The following LSAMP variants were observed in gnomAD, a reference collection of about 807,000 sequenced individuals.
LSAMP encodes limbic system associated membrane protein.
Under a neutral mutation model 38.6 loss-of-function variants are expected in LSAMP, and 7 were observed. The ratio of observed to expected loss-of-function variants is 0.18; its 90% CI spans 0.10 to 0.34. The LOEUF (loss-of-function observed/expected upper bound fraction) is 0.34. Among genes scored for constraint, LSAMP ranks in the 10% least tolerant of loss-of-function variants. LSAMP has a pLI of 1.00. For missense variants in LSAMP, 313 were observed against 420.0 expected (o/e 0.75, Z 2.23); for synonymous variants, 154 against 166.8 (o/e 0.92, Z 0.59).
At chr3:115,900,122 C>T (rs1034430284) in intron 3 of LSAMP, among the ~76,000 whole-genome samples, 2 of 152,140 alleles carry the variant, frequency 1.3e-5, no homozygotes, top group African/African-American at 2.4e-5. Flanking sequence ...CAGAGAATTT[C>T]AGTGTGGGTT....
At chr3:115,890,353 T>A (rs1936565027) in intron 3 of LSAMP, among the ~76,000 whole-genome samples, 1 of 151,942 alleles carries the variant, frequency 6.6e-6, no homozygotes, top group Admixed American at 6.6e-5. Context: ...ATAATAGTCA[T>A]GTAACTCTAC....
intron 3 of LSAMP, among the ~76,000 whole-genome samples, chr3:115,977,750 CTT>C (rs1939233162): frequency 7.4e-6 from 1 of 134,708 alleles, no homozygotes; most frequent in Admixed American, 7.4e-5. Flanking sequence ...AAAAAAAAAT[CTT>C]TGTCTTTTCC....
intron 1 of LSAMP, among the ~76,000 whole-genome samples, chr3:116,135,911 T>C (rs982142480): frequency 1.3e-5 from 2 of 152,208 alleles, no homozygotes; most frequent in Admixed American, 6.6e-5. Context: ...ATGAGGCTAA[T>C]AAAGTGCCTT....
At chr3:115,946,246 C>T (rs999783857) in intron 3 of LSAMP, among the ~76,000 whole-genome samples, 1 of 152,072 alleles carries the variant, frequency 6.6e-6, no homozygotes, top group Admixed American at 6.6e-5. Flanking sequence ...ATGATGGTTA[C>T]CAAGGGGCTC....
rs140463004 is a variant in LSAMP, at chr3:116,113,714, C to G, written c.156-27158G>C. On this transcript the variant is annotated intron_variant, in intron 1 of 6. Transcript: ENST00000490035. ...TGCTGGGATTACAGGCGTGAGCCAC[C>G]GCGCCCGGCCCTTTGCCCTATATTT... is the stretch of plus-strand genomic sequence containing the variant. 3.9e-3 allele frequency among the ~76,000 whole-genome samples: 589 copies of G among 152,030 alleles called. 11 individuals are homozygous for G. The highest frequency in any genetic ancestry group is 0.027 in the East Asian group (139 of 5,176).
intron 3 of LSAMP, among the ~76,000 whole-genome samples, chr3:115,921,319 A>G (rs1937376983): frequency 6.6e-6 from 1 of 151,804 alleles, no homozygotes; most frequent in Non-Finnish European, 1.5e-5. Flanking sequence ...AGTGACATGC[A>G]TTGATTCTTT....
intron 2 of LSAMP, among the ~76,000 whole-genome samples, chr3:116,075,991 CT>C (rs1320860076): frequency 2.0e-5 from 3 of 152,052 alleles, no homozygotes. Context: ...TTACTTTTTA[CT>C]TTTAAATCTT....
chr3:116,163,742 T>TA (rs146263058), intron 1 of LSAMP, among the ~76,000 whole-genome samples: 3 of 151,826 alleles, frequency 2.0e-5, no homozygotes, highest in Non-Finnish European at 2.9e-5. Context: ...AAAAAAAGAT[T>TA]AAAAAAAATA....
chr3:116,131,985 G>A (rs913937461), intron 1 of LSAMP, among the ~76,000 whole-genome samples: 2 of 151,764 alleles, frequency 1.3e-5, no homozygotes, highest in Admixed American at 6.6e-5. Flanking sequence ...ACACTACCAC[G>A]CCCAGCTAAT....
intron 3 of LSAMP, among the ~76,000 whole-genome samples, chr3:115,983,380 T>C (rs1038586643): frequency 6.6e-6 from 1 of 151,894 alleles, no homozygotes; most frequent in Non-Finnish European, 1.5e-5. Flanking sequence ...TAAATTAGCC[T>C]GGTATGGTGG....
chr3:115,820,792 T>C (rs1488007532), intron 6 of LSAMP, among the ~76,000 whole-genome samples: 2 of 152,204 alleles, frequency 1.3e-5, no homozygotes, highest in Non-Finnish European at 1.5e-5. Flanking sequence ...CCTCAAGTGT[T>C]ACCCTAGATA....
At chr3:116,249,168 A>G (rs1312815863) in intron 1 of LSAMP, among the ~76,000 whole-genome samples, 2 of 148,724 alleles carry the variant, frequency 1.3e-5, no homozygotes, top group South Asian at 4.3e-4. Context: ...AAAAAGGACT[A>G]AACTTAAACA....
chr3:116,237,106 A>T (rs2046474392), intron 1 of LSAMP, among the ~76,000 whole-genome samples: 1 of 152,114 alleles, frequency 6.6e-6, no homozygotes, highest in African/African-American at 2.4e-5. Context: ...TGCCTATATG[A>T]TTATAATTCA....
intron 1 of LSAMP, among the ~76,000 whole-genome samples, chr3:116,357,526 C>T (rs1252316583): frequency 6.6e-6 from 1 of 152,012 alleles, no homozygotes; most frequent in Non-Finnish European, 1.5e-5. Flanking sequence ...TAAAACCTCG[C>T]ACATGGTAAC....
chr3:116,220,349 TGA>T (rs1491429778), intron 1 of LSAMP, among the ~76,000 whole-genome samples: 1 of 96,474 alleles, frequency 1.0e-5, no homozygotes, highest in African/African-American at 3.9e-5. Flanking sequence ...CATTTGCATA[TGA>T]CACACACACA....
chr3:115,810,220 C>A lies in LSAMP; in HGVS notation c.*97G>T. Reference sequence around the variant, plus strand: ...AAGTTGTGAAATAAACGGTCTCCCCCATCTCTCTCTCTCTCTCTCTCTCTG... The same window carrying A: ...AAGTTGTGAAATAAACGGTCTCCCCAATCTCTCTCTCTCTCTCTCTCTCTG... On this transcript the variant is annotated 3_prime_UTR_variant, in exon 7 of 7. Coordinates refer to ENST00000490035, the MANE Select transcript of LSAMP (RefSeq NM_002338.5). 1 of 756,064 alleles carries A rather than the reference C, an allele frequency of 1.3e-6. No homozygotes were observed. The allele number at this position is 756,064 out of a possible 1,614,324, so 46.8% of individuals were successfully genotyped here.
At chr3:116,274,021 C>T (rs1012874861) in intron 1 of LSAMP, among the ~76,000 whole-genome samples, 4 of 151,548 alleles carry the variant, frequency 2.6e-5, no homozygotes, top group African/African-American at 9.7e-5. Context: ...AGCACTTCTC[C>T]TCTGTGTTCT....
intron 1 of LSAMP, among the ~76,000 whole-genome samples, chr3:116,377,216 T>C (rs1302154049): frequency 6.6e-6 from 1 of 152,030 alleles, no homozygotes; most frequent in Non-Finnish European, 1.5e-5. Flanking sequence ...TTTTTCCTAA[T>C]GCTCTCCCTT....
intron 1 of LSAMP, among the ~76,000 whole-genome samples, chr3:116,107,102 AAAG>A (rs1404324065): frequency 1.3e-5 from 2 of 152,110 alleles, no homozygotes; most frequent in Non-Finnish European, 2.9e-5. Context: ...GAGGAACAGG[AAAG>A]AAGGAAATAT....
Sources: gnomAD v4.1 joint callset for allele counts (sites outside exome capture counted in the v4.1 genomes callset) on GRCh38, gnomAD v4.1.1 for gene constraint, MANE v1.5 for transcripts, NCBI Gene and HGNC (gene_info 2026-07-23, HGNC 2026-07-21) for gene names.